The following AGMO variants were observed in gnomAD, a reference collection of about 807,000 sequenced individuals.
AGMO encodes the protein alkylglycerol monooxygenase.
A neutral mutation model predicts 60.2 loss-of-function variants in AGMO; 75 were observed. The ratio of observed to expected loss-of-function variants is 1.25; its 90% CI spans 1.03 to 1.51. The LOEUF (loss-of-function observed/expected upper bound fraction) is 1.51. Ranked by LOEUF, AGMO falls within the 40% of genes most tolerant of loss-of-function variation. AGMO has a pLI of 0.00. For missense variants in AGMO, 763 were observed against 525.5 expected, an observed-to-expected ratio of 1.45 and a Z score of -4.42; for synonymous variants, 261 against 177.1, an observed-to-expected ratio of 1.47 and a Z score of -3.76.
chr7:15,481,545 G>C (rs1782750077), intron 3 of AGMO, among the ~76,000 whole-genome samples: 1 of 151,818 alleles, frequency 6.6e-6, no homozygotes, highest in African/African-American at 2.4e-5. Context: ...CAAAATAGCT[G>C]AACAACATAA....
chr7:15,137,321 T>C, the AGMO span, among the ~76,000 whole-genome samples: 4 of 152,352 alleles, frequency 2.6e-5, no homozygotes, highest in African/African-American at 9.6e-5. Context: ...AACTCCTGGA[T>C]ACTTTTTATC....
chr7:15,392,921 T>C (rs1178003574), intron 6 of AGMO, among the ~76,000 whole-genome samples: 1 of 152,250 alleles, frequency 6.6e-6, no homozygotes, highest in Non-Finnish European at 1.5e-5. Flanking sequence ...CCTGCAGTCC[T>C]AGACAAAAAT....
chr7:15,390,859 A>C lies in AGMO; in HGVS notation c.723T>G (p.Ile241Met). Reference sequence around the variant, plus strand: ...ACTTACCAAAAATTTTATCCCAAATAATAAGAACACCAGCATAATTTTTGT... The same window carrying C: ...ACTTACCAAAAATTTTATCCCAAATCATAAGAACACCAGCATAATTTTTGT... ...CIDKNYAGVLIIWDKIFGTFE... is the reference protein window; with the variant it reads ...CIDKNYAGVLMIWDKIFGTFE... The change falls in exon 7 of 13, where the codon ATT (isoleucine) becomes ATG (methionine). Residue 241 changes from isoleucine (I) to methionine (M), a missense_variant. Ile to Met is a conservative substitution (Grantham distance 10). Coordinates refer to ENST00000342526, the MANE Select transcript of AGMO (RefSeq NM_001004320.2). The C allele has an allele frequency of 1.2e-6, 2 of 1,605,640 alleles. No individual in the cohort carries two copies. Among genetic ancestry groups the C allele is most frequent in the Non-Finnish European group, 1.7e-6 (2 of 1,175,032 alleles).
At chr7:15,162,345 T>G in the AGMO span, among the ~76,000 whole-genome samples, 3 of 152,296 alleles carry the variant, frequency 2.0e-5, no homozygotes, top group Non-Finnish European at 4.4e-5. Flanking sequence ...GGTTTCTGTA[T>G]GATCTAATCT....
chr7:15,181,228 C>G, the AGMO span, among the ~76,000 whole-genome samples: 1 of 152,156 alleles, frequency 6.6e-6, no homozygotes, highest in South Asian at 2.1e-4. Flanking sequence ...CTCACTTTTC[C>G]TTTCTAAGGA....
the AGMO span, among the ~76,000 whole-genome samples, chr7:15,137,597 C>T: frequency 1.3e-5 from 2 of 152,192 alleles, no homozygotes; most frequent in Admixed American, 1.3e-4. Flanking sequence ...CAATCAAGTG[C>T]AGACCAGCAT....
chr7:15,227,124 C>T (rs1039368803), intron 12 of AGMO, among the ~76,000 whole-genome samples: 3 of 152,016 alleles, frequency 2.0e-5, no homozygotes, highest in Non-Finnish European at 2.9e-5. Flanking sequence ...TTAAATTGGA[C>T]ATAAAGCCAC....
At chr7:15,152,905 T>G in the AGMO span, among the ~76,000 whole-genome samples, 1 of 152,150 alleles carries the variant, frequency 6.6e-6, no homozygotes, top group Non-Finnish European at 1.5e-5. Flanking sequence ...TTTTAGTACT[T>G]TAAGGAGTCT....
At chr7:15,277,708 A>G (rs1783842550) in intron 12 of AGMO, among the ~76,000 whole-genome samples, 1 of 152,196 alleles carries the variant, frequency 6.6e-6, no homozygotes, top group Non-Finnish European at 1.5e-5. Context: ...GTAATAGCCA[A>G]TTGCAGTAAA....
At chr7:15,383,945 CGTTT>C (rs983371381) in intron 10 of AGMO, among the ~76,000 whole-genome samples, 3 of 147,580 alleles carry the variant, frequency 2.0e-5, no homozygotes, top group East Asian at 2.0e-4. Context: ...TTTTTTTTTT[CGTTT>C]GTTTGAGACT....
intron 10 of AGMO, among the ~76,000 whole-genome samples, chr7:15,374,053 C>A (rs1191020984): frequency 6.6e-6 from 1 of 152,102 alleles, no homozygotes; most frequent in Admixed American, 6.6e-5. Context: ...TGTGAGCTTG[C>A]GGATTTGTTA....
intron 2 of AGMO, among the ~76,000 whole-genome samples, chr7:15,551,890 G>A (rs1031521359): frequency 2.0e-5 from 3 of 151,916 alleles, no homozygotes; most frequent in Admixed American, 6.6e-5. Context: ...GAACAAAGCT[G>A]GAGGCATCAC....
chr7:15,309,267 A>G (rs1390138962), intron 12 of AGMO, among the ~76,000 whole-genome samples: 2 of 152,160 alleles, frequency 1.3e-5, no homozygotes, highest in Non-Finnish European at 2.9e-5. Flanking sequence ...AGGCAAGCTG[A>G]GTAGGGCCAA....
At chr7:15,142,593 C>T in the AGMO span, among the ~76,000 whole-genome samples, 1 of 152,118 alleles carries the variant, frequency 6.6e-6, no homozygotes, top group Non-Finnish European at 1.5e-5. Flanking sequence ...CTCTACTTAT[C>T]CTCATAAGCA....
chr7:15,374,180 T>C (rs934146591), intron 10 of AGMO, among the ~76,000 whole-genome samples: 1 of 151,586 alleles, frequency 6.6e-6, no homozygotes, highest in East Asian at 1.9e-4. Context: ...AGAATCTGTC[T>C]TGAAAGAATT....
intron 3 of AGMO, among the ~76,000 whole-genome samples, chr7:15,514,059 G>A (rs1195373466): frequency 6.6e-6 from 1 of 152,118 alleles, no homozygotes; most frequent in Non-Finnish European, 1.5e-5. Flanking sequence ...ATATGCTAAA[G>A]ATGTACAAGT....
chr7:15,119,967 T>A, the AGMO span, among the ~76,000 whole-genome samples: 1 of 151,530 alleles, frequency 6.6e-6, no homozygotes, highest in Non-Finnish European at 1.5e-5. Flanking sequence ...TTTCTCCTCT[T>A]CTGCACTGGT....
chr7:15,167,814 G>C, the AGMO span, among the ~76,000 whole-genome samples: 1 of 152,154 alleles, frequency 6.6e-6, no homozygotes, highest in African/African-American at 2.4e-5. Context: ...AAGATGTTCT[G>C]GAAATGAAAG....
chr7:15,309,506 G>A (rs1430823517), intron 12 of AGMO, among the ~76,000 whole-genome samples: 4 of 151,954 alleles, frequency 2.6e-5, no homozygotes, highest in South Asian at 4.1e-4. Flanking sequence ...TCCCCTAAGC[G>A]TCAACATAAG....
Sources: gnomAD v4.1 joint callset for allele counts (sites outside exome capture counted in the v4.1 genomes callset) on GRCh38, gnomAD v4.1.1 for gene constraint, MANE v1.5 for transcripts, NCBI Gene and HGNC (gene_info 2026-07-23, HGNC 2026-07-21) for gene names.